The following HMGCLL1 variants were observed in gnomAD, a reference collection of about 807,000 sequenced individuals.
HMGCLL1 encodes 3-hydroxymethyl-3-methylglutaryl-CoA lyase, cytoplasmic.
A neutral mutation model predicts 39.1 loss-of-function variants in HMGCLL1; 36 were observed. That is an observed-to-expected ratio of 0.92 (90% CI 0.71 to 1.22). HMGCLL1 has a LOEUF of 1.22. HMGCLL1 is among the 50% of genes most tolerant of loss of function. The probability of loss-of-function intolerance (pLI) is 0.00; values close to 1 mark genes in which losing one functional copy is unlikely to be tolerated. For synonymous variants in HMGCLL1, 149 were observed against 144.0 expected, an observed-to-expected ratio of 1.03 and a Z score of -0.25; for missense variants, 451 against 416.5, an observed-to-expected ratio of 1.08 and a Z score of -0.72.
At chr6:55,552,889 C>T (rs920410722) in intron 1 of HMGCLL1, among the ~76,000 whole-genome samples, 1 of 151,836 alleles carries the variant, frequency 6.6e-6, no homozygotes, top group Admixed American at 6.6e-5. Context: ...CACCTGTAAT[C>T]CCAGCAATTT....
At chr6:55,625,116 A>G in the HMGCLL1 span, among the ~76,000 whole-genome samples, 1 of 152,076 alleles carries the variant, frequency 6.6e-6, no homozygotes, top group African/African-American at 2.4e-5. Flanking sequence ...AGGATTTTGG[A>G]ACAAGGCCCA....
the HMGCLL1 span, among the ~76,000 whole-genome samples, chr6:55,660,552 A>G: frequency 6.6e-6 from 1 of 151,626 alleles, no homozygotes; most frequent in South Asian, 2.1e-4. Context: ...TGATCTCATT[A>G]TTTTTTATGG....
At chr6:55,621,298 C>A in the HMGCLL1 span, among the ~76,000 whole-genome samples, 1 of 152,032 alleles carries the variant, frequency 6.6e-6, no homozygotes, top group African/African-American at 2.4e-5. Flanking sequence ...CAGTTTCTTG[C>A]ATGACTGTTT....
the HMGCLL1 span, among the ~76,000 whole-genome samples, chr6:55,621,595 C>T: frequency 1.3e-5 from 2 of 151,812 alleles, no homozygotes; most frequent in Non-Finnish European, 1.5e-5. Context: ...CATTGTCTCC[C>T]ATCACCTCCA....
chr6:55,579,153 C>T lies in HMGCLL1; in HGVS notation c.-98G>A. ...AAACTGCGCCAGCTCGGGAGCGCGC[C>T]CCTCCGGTGCACTGGCTGTGAGGAC... is the stretch of plus-strand genomic sequence containing the variant. On this transcript the variant is annotated 5_prime_UTR_variant, in exon 1 of 9. Coordinates refer to ENST00000274901, the MANE Select transcript of HMGCLL1 (RefSeq NM_001042406.2). The T allele has an allele frequency of 2.3e-6, 2 of 880,408 alleles. No homozygotes were observed. The highest frequency in any genetic ancestry group is 3.6e-6 in the Non-Finnish European group (2 of 549,030). The allele number at this position is 880,408 out of a possible 1,614,324, so 54.5% of individuals were successfully genotyped here.
intron 7 of HMGCLL1, among the ~76,000 whole-genome samples, chr6:55,440,932 TA>T (rs1763568299): frequency 6.6e-6 from 1 of 152,174 alleles, no homozygotes; most frequent in African/African-American, 2.4e-5. Context: ...TTTGTGAAGA[TA>T]AAACAGAATT....
chr6:55,567,451 A>G (rs1771273193), intron 1 of HMGCLL1, among the ~76,000 whole-genome samples: 1 of 152,040 alleles, frequency 6.6e-6, no homozygotes, highest in African/African-American at 2.4e-5. Flanking sequence ...AATTCCACCA[A>G]AATCATCAAT....
intron 4 of HMGCLL1, 124 bp downstream of exon 4, chr6:55,516,384 T>C (rs1238877968): frequency 7.4e-6 from 4 of 541,080 alleles, no homozygotes; most frequent in African/African-American, 1.9e-5. Context: ...TATGTCTTCA[T>C]GTTAGTACAT....
At chr6:55,637,333 C>T in the HMGCLL1 span, among the ~76,000 whole-genome samples, 1 of 152,106 alleles carries the variant, frequency 6.6e-6, no homozygotes, top group South Asian at 2.1e-4. Context: ...CAAAAACCAA[C>T]ATTGGTGAAC....
At chr6:55,546,163 T>C (rs1294175558) in intron 1 of HMGCLL1, among the ~76,000 whole-genome samples, 1 of 152,130 alleles carries the variant, frequency 6.6e-6, no homozygotes, top group Non-Finnish European at 1.5e-5. Context: ...AAATTGTTCC[T>C]CAATACTATT....
chr6:55,634,761 C>A, the HMGCLL1 span, among the ~76,000 whole-genome samples: 2 of 152,112 alleles, frequency 1.3e-5, no homozygotes, highest in Non-Finnish European at 2.9e-5. Context: ...AATAGAAGAT[C>A]CCTCAGAAGA....
intron 5 of HMGCLL1, chr6:55,512,974 T>C (rs1767539423): frequency 6.6e-6 from 1 of 152,130 alleles, no homozygotes; most frequent in Non-Finnish European, 1.5e-5. Flanking sequence ...AAATGCATTA[T>C]AGGTTTCACA....
chr6:55,651,118 A>G, the HMGCLL1 span, among the ~76,000 whole-genome samples: 2 of 152,026 alleles, frequency 1.3e-5, no homozygotes. Flanking sequence ...AGAGTCTTTC[A>G]CTGTAGCCAC....
intron 1 of HMGCLL1, among the ~76,000 whole-genome samples, chr6:55,572,760 T>G (rs1357593894): frequency 2.0e-5 from 3 of 152,212 alleles, no homozygotes; most frequent in African/African-American, 7.2e-5. Context: ...CCTTATTATA[T>G]AATCTTTCAA....
At chr6:55,484,640 T>C (rs1581841653) in intron 7 of HMGCLL1, among the ~76,000 whole-genome samples, 1 of 152,136 alleles carries the variant, frequency 6.6e-6, no homozygotes, top group African/African-American at 2.4e-5. Context: ...TCGAATGTCT[T>C]TGTGATCATT....
the HMGCLL1 span, among the ~76,000 whole-genome samples, chr6:55,677,529 T>A: frequency 3.3e-5 from 5 of 152,198 alleles, no homozygotes; most frequent in Non-Finnish European, 7.3e-5. Flanking sequence ...TTTATACATA[T>A]GGGTTAGTAT....
At chr6:55,624,341 T>G in the HMGCLL1 span, among the ~76,000 whole-genome samples, 1 of 152,180 alleles carries the variant, frequency 6.6e-6, no homozygotes, top group South Asian at 2.1e-4. Context: ...TAGATGTGGT[T>G]TCATTGCTTG....
chr6:55,569,286 A>G (rs1161519165), intron 1 of HMGCLL1, among the ~76,000 whole-genome samples: 1 of 152,178 alleles, frequency 6.6e-6, no homozygotes, highest in African/African-American at 2.4e-5. Flanking sequence ...ATTAGAGGAA[A>G]CATGACCCTT....
chr6:55,633,716 A>ACT, the HMGCLL1 span, among the ~76,000 whole-genome samples: 1 of 152,070 alleles, frequency 6.6e-6, no homozygotes, highest in Admixed American at 6.6e-5. Flanking sequence ...GGCTAAAAAG[A>ACT]TTAAAATTTC....
Sources: gnomAD v4.1 joint callset for allele counts (sites outside exome capture counted in the v4.1 genomes callset) on GRCh38, gnomAD v4.1.1 for gene constraint, MANE v1.5 for transcripts, NCBI Gene and HGNC (gene_info 2026-07-23, HGNC 2026-07-21) for gene names.